The following DCAF10 variants were observed in gnomAD, a reference collection of about 807,000 sequenced individuals.
The protein encoded by DCAF10 is DDB1- and CUL4-associated factor 10.
A neutral mutation model predicts 51.9 loss-of-function variants in DCAF10; 19 were observed. That is an observed-to-expected ratio of 0.37 (90% confidence interval 0.26 to 0.54). The LOEUF (loss-of-function observed/expected upper bound fraction) is 0.54, where lower values mean the gene tolerates loss of function less well. DCAF10 is among the 20% of genes least tolerant of loss of function. The probability of loss-of-function intolerance (pLI) is 0.87; values close to 1 mark genes in which losing one functional copy is unlikely to be tolerated. For missense variants in DCAF10, 510 were observed against 730.6 expected (o/e 0.70, Z 3.48); for synonymous variants, 291 against 297.1 (o/e 0.98, Z 0.21).
chr9:37,809,892 T>C (rs766204772), intron 1 of DCAF10, among the ~76,000 whole-genome samples: 240 of 151,184 alleles, frequency 1.6e-3, no homozygotes, highest in Non-Finnish European at 4.3e-4. Context: ...GGCTCACGCC[T>C]GTAATCCCAG....
rs1294926846 is a variant in DCAF10 at position 37,860,055 on chromosome 9, A to G, written c.1173A>G (p.Ser391=). 1 of 1,614,076 alleles carries G rather than the reference A, an allele frequency of 6.2e-7. No individual in the cohort carries two copies. Among genetic ancestry groups the G allele is most frequent in the Non-Finnish European group, 8.5e-7 (1 of 1,179,978 alleles). The change falls in exon 6 of 7, where the codon TCA becomes TCG. Residue 391 remains serine (S), a synonymous_variant. Transcript: ENST00000377724. The part of the protein sequence containing the change: ...MSRASQREGV[S]PRNSLEVVTP... ...CATTTTCTTATATCTCAGGAGTTTC[A>G]CCACGAAATAGTCTTGAAGTCGTAA...
At chr9:37,824,782 T>C (rs1471615173) in intron 2 of DCAF10, among the ~76,000 whole-genome samples, 1 of 151,378 alleles carries the variant, frequency 6.6e-6, no homozygotes, top group South Asian at 2.1e-4. Context: ...AGAAAACTGA[T>C]AGAAATTATC....
chr9:37,830,242 G>A (rs1272048257), intron 2 of DCAF10, among the ~76,000 whole-genome samples: 1 of 152,110 alleles, frequency 6.6e-6, no homozygotes, highest in Non-Finnish European at 1.5e-5. Context: ...ATTTAAAGTT[G>A]AGGTAGAAAA....
At chr9:37,852,570 C>T (rs924220478) in intron 3 of DCAF10, among the ~76,000 whole-genome samples, 2 of 151,856 alleles carry the variant, frequency 1.3e-5, no homozygotes, top group Non-Finnish European at 2.9e-5. Context: ...TGCACCCCAG[C>T]CTGGGCAACA....
At chr9:37,824,972 T>TCTTTATTAAAATA (rs1829809762) in intron 2 of DCAF10, among the ~76,000 whole-genome samples, 1 of 152,202 alleles carries the variant, frequency 6.6e-6, no homozygotes, top group Non-Finnish European at 1.5e-5. Flanking sequence ...TCTACAATTA[T>TCTTTATTAAAATA]AGTGAGATAT....
chr9:37,848,816 T>C (rs1479034960), intron 3 of DCAF10, among the ~76,000 whole-genome samples: 1 of 151,644 alleles, frequency 6.6e-6, no homozygotes, highest in African/African-American at 2.4e-5. Context: ...CTACTAAAAA[T>C]GCAAAAATTA....
intron 1 of DCAF10, 110 bp from the exon 2 acceptor site, chr9:37,819,178 C>G: frequency 1.6e-6 from 1 of 642,662 alleles, no homozygotes; most frequent in Non-Finnish European, 2.5e-6. Flanking sequence ...CTAACATGGG[C>G]AAAAAAAAAA....
chr9:37,860,845 T>TA (rs1830993973), intron 6 of DCAF10, among the ~76,000 whole-genome samples: 1 of 151,994 alleles, frequency 6.6e-6, no homozygotes, highest in South Asian at 2.1e-4. Flanking sequence ...ATTTTTAAAA[T>TA]ATCAACATTG....
chr9:37,801,696 A>G lies in DCAF10; in HGVS notation c.539+291A>G, dbSNP rs539109626. On this transcript the variant is annotated intron_variant, in intron 1 of 6. Coordinates refer to ENST00000377724, the MANE Select transcript of DCAF10 (RefSeq NM_024345.5). This position sits in a 1 kb window ranked among gnomAD's most constrained non-coding sequence, Gnocchi z 5.5. ...GCGGACCTGTCAGAGCCAGCCCACA[A>G]CTAGGGCTTTCTGGTACACAGTAGG... is the stretch of plus-strand genomic sequence containing the variant. 3.3e-5 allele frequency among the ~76,000 whole-genome samples: 5 copies of G among 152,320 alleles called. No homozygotes were observed. In the East Asian group the frequency reaches 9.6e-4, roughly 29 times the overall value.
At chr9:37,807,658 C>CTTTTTT (rs5897701) in intron 1 of DCAF10, among the ~76,000 whole-genome samples, 28 of 72,530 alleles carry the variant, frequency 3.9e-4, no homozygotes, top group African/African-American at 6.9e-4. Flanking sequence ...CTTTTCTTTT[C>CTTTTTT]TTTTTTTTTT....
At chr9:37,838,010 A>C (rs1830222887) in intron 2 of DCAF10, among the ~76,000 whole-genome samples, 1 of 152,238 alleles carries the variant, frequency 6.6e-6, no homozygotes, top group South Asian at 2.1e-4. Flanking sequence ...GCAACAGAGC[A>C]AGACCCTGTC....
At chr9:37,805,241 G>A (rs1829076906) in intron 1 of DCAF10, among the ~76,000 whole-genome samples, 1 of 152,190 alleles carries the variant, frequency 6.6e-6, no homozygotes, top group African/African-American at 2.4e-5. Context: ...CAGCACTTTG[G>A]GAGGCCGAGG....
intron 2 of DCAF10, among the ~76,000 whole-genome samples, chr9:37,830,848 A>G (rs1297653806): frequency 1.3e-5 from 2 of 152,242 alleles, no homozygotes; most frequent in African/African-American, 4.8e-5. Flanking sequence ...ATAGCAACTC[A>G]TGCCTACAAA....
At chr9:37,840,434 G>A (rs1270693749) in intron 2 of DCAF10, among the ~76,000 whole-genome samples, 2 of 152,090 alleles carry the variant, frequency 1.3e-5, no homozygotes, top group African/African-American at 4.8e-5. Flanking sequence ...TTTACCCTGT[G>A]TAGAACTAGG....
At chr9:37,815,834 G>A (rs1829510705) in intron 1 of DCAF10, among the ~76,000 whole-genome samples, 1 of 152,104 alleles carries the variant, frequency 6.6e-6, no homozygotes, top group Admixed American at 6.6e-5. Context: ...GTCTTGGTCA[G>A]CTAGGCTGGA....
intron 2 of DCAF10, among the ~76,000 whole-genome samples, chr9:37,831,204 G>A (rs563221862): frequency 4.6e-5 from 7 of 151,576 alleles, no homozygotes; most frequent in East Asian, 1.9e-4. Context: ...GCGATAGAGC[G>A]AGACTCTGTC....
intron 2 of DCAF10, among the ~76,000 whole-genome samples, chr9:37,831,558 CGGTCATTTTGTACATACTT>C (rs1370294800): frequency 6.6e-6 from 1 of 152,102 alleles, no homozygotes; most frequent in Non-Finnish European, 1.5e-5. Context: ...TGAATCTAGA[CGGTCATTTTGTACATACTT>C]GGTAATGTCT....
chr9:37,819,527 G>A (rs41298159), intron 2 of DCAF10, 126 bp downstream of exon 2: 647 of 600,558 alleles, frequency 1.1e-3, no homozygotes, highest in Non-Finnish European at 1.6e-3. Flanking sequence ...ATTGTGAATT[G>A]TGAATCTAAT....
rs1334724931 is a variant in DCAF10 at position 37,829,934 on chromosome 9, T to C, written c.653+10533T>C. On this transcript the variant is annotated intron_variant, in intron 2 of 6. Coordinates refer to ENST00000377724, the MANE Select transcript of DCAF10 (RefSeq NM_024345.5). The surrounding 1 kb of genome is among the most constrained non-coding windows in gnomAD (Gnocchi z 4.2). ...AGGAGGAATGCTTGAGCCCAGGAGTTTGAGGCTGCAGGGAGCCATGATTGC... is the reference window on the plus strand; with the variant it reads ...AGGAGGAATGCTTGAGCCCAGGAGTCTGAGGCTGCAGGGAGCCATGATTGC... Among the ~76,000 whole-genome samples the C allele has an allele frequency of 6.6e-6, 1 of 152,100 alleles. No individual in the cohort carries two copies. Among genetic ancestry groups the C allele is most frequent in the Non-Finnish European group, 1.5e-5 (1 of 68,024 alleles).
Sources: allele counts gnomAD v4.1 joint callset (sites outside exome capture counted in the v4.1 genomes callset), GRCh38; gene constraint gnomAD v4.1.1; non-coding constraint Gnocchi (gnomAD v3.1); transcripts MANE v1.5; gene names NCBI Gene and HGNC (gene_info 2026-07-23, HGNC 2026-07-21).